KAT2B: variants seen among roughly 807,000 people sequenced by gnomAD.
The protein encoded by KAT2B is lysine acetyltransferase 2B.
A neutral mutation model predicts 105.9 loss-of-function variants in KAT2B; 36 were observed. The observed-to-expected ratio is 0.34, with a 90% CI of 0.26 to 0.45. The LOEUF (loss-of-function observed/expected upper bound fraction) is 0.45, where lower values mean the gene tolerates loss of function less well. KAT2B is among the 20% of genes least tolerant of loss of function. The probability of loss-of-function intolerance (pLI) is 1.00; values close to 1 mark genes in which losing one functional copy is unlikely to be tolerated. For synonymous variants in KAT2B, 397 were observed against 377.9 expected, an observed-to-expected ratio of 1.05 and a Z score of -0.59; for missense variants, 820 against 1,021.6, an observed-to-expected ratio of 0.80 and a Z score of 2.69.
intron 1 of KAT2B, among the ~76,000 whole-genome samples, chr3:20,062,311 ATATATAAAATATT>A: frequency 3.7e-5 from 3 of 81,146 alleles, no homozygotes; most frequent in East Asian, 2.8e-4. Context: ...AAAATATAAT[ATATATAAAATATT>A]TATTATGTAT....
At chr3:20,107,002 TATATATATATATA>T (rs1387169268) in intron 5 of KAT2B, among the ~76,000 whole-genome samples, 6 of 43,350 alleles carry the variant, frequency 1.4e-4, no homozygotes, top group African/African-American at 5.6e-4. Flanking sequence ...TATATATATA[TATATATATATATA>T]TTTTTTTTTT....
chr3:20,073,202 T>G (rs1047753839), intron 2 of KAT2B, among the ~76,000 whole-genome samples: 5 of 152,214 alleles, frequency 3.3e-5, no homozygotes, highest in African/African-American at 1.2e-4. Context: ...CCACGAAGAA[T>G]CTTAGACTAT....
chr3:20,112,065 T>C (rs1699131499), intron 6 of KAT2B, among the ~76,000 whole-genome samples: 1 of 152,168 alleles, frequency 6.6e-6, no homozygotes, highest in South Asian at 2.1e-4. Flanking sequence ...GGCAGTGCTT[T>C]CTTTTGTATA....
intron 2 of KAT2B, among the ~76,000 whole-genome samples, chr3:20,094,797 T>C (rs1266611958): frequency 1.3e-5 from 2 of 152,150 alleles, no homozygotes; most frequent in Non-Finnish European, 1.5e-5. Context: ...CTTTGGTGAA[T>C]GAGCTCTCCA....
intron 10 of KAT2B, among the ~76,000 whole-genome samples, chr3:20,126,529 A>AG (rs888530963): frequency 6.6e-6 from 1 of 151,664 alleles, no homozygotes; most frequent in African/African-American, 2.4e-5. Flanking sequence ...AAAAAAAAAA[A>AG]ACAAAAAACT....
At chr3:20,081,892 T>C (rs768055355) in intron 2 of KAT2B, among the ~76,000 whole-genome samples, 166 of 146,510 alleles carry the variant, frequency 1.1e-3, no homozygotes, top group Middle Eastern at 3.5e-3. Context: ...TATATATATG[T>C]ATAAATGTAT....
intron 5 of KAT2B, among the ~76,000 whole-genome samples, chr3:20,104,282 G>A (rs1363624834): frequency 6.6e-6 from 1 of 152,086 alleles, no homozygotes; most frequent in East Asian, 1.9e-4. Flanking sequence ...GTTCTGAAAC[G>A]TGCTGATTTC....
intron 2 of KAT2B, among the ~76,000 whole-genome samples, chr3:20,079,028 C>T (rs1017235549): frequency 5.3e-5 from 8 of 150,790 alleles, no homozygotes; most frequent in African/African-American, 1.5e-4. Flanking sequence ...GGATTACAGG[C>T]TTATACCACC....
chr3:20,099,817 C>A (rs1215741142), intron 3 of KAT2B, 45 bp from the exon 4 acceptor site: 3 of 982,154 alleles, frequency 3.1e-6, no homozygotes, highest in Middle Eastern at 2.6e-4. Flanking sequence ...GATAGACATA[C>A]CAATTAAGTT....
chr3:20,071,453 TGGCTGA>T (rs1698320748), intron 1 of KAT2B, among the ~76,000 whole-genome samples: 1 of 152,238 alleles, frequency 6.6e-6, no homozygotes, highest in South Asian at 2.1e-4. Context: ...TTTTTATAAG[TGGCTGA>T]GGTCATTCAT....
intron 1 of KAT2B, among the ~76,000 whole-genome samples, chr3:20,054,549 G>T (rs994389328): frequency 3.9e-5 from 6 of 152,216 alleles, no homozygotes; most frequent in Non-Finnish European, 5.9e-5. Context: ...GTTGTATGGG[G>T]TTGCTTCCAT....
intron 2 of KAT2B, among the ~76,000 whole-genome samples, chr3:20,078,128 G>A (rs1211543856): frequency 1.3e-5 from 2 of 152,124 alleles, no homozygotes; most frequent in Non-Finnish European, 2.9e-5. Context: ...TCAGTGGGCC[G>A]AGATCGCACC....
chr3:20,121,465 A>T (rs1699306204), intron 8 of KAT2B, among the ~76,000 whole-genome samples: 1 of 152,224 alleles, frequency 6.6e-6, no homozygotes, highest in Admixed American at 6.5e-5. Flanking sequence ...ATGCAATCTC[A>T]TGAGGAAAGC....
chr3:20,080,240 A>G (rs1313589339), intron 2 of KAT2B, among the ~76,000 whole-genome samples: 1 of 152,044 alleles, frequency 6.6e-6, no homozygotes, highest in East Asian at 1.9e-4. Flanking sequence ...TTTATTTTCA[A>G]AGCTTTTCTC....
At chr3:20,148,129 A>G in intron 15 of KAT2B, 114 bp from the exon 16 acceptor site, 1 of 1,361,658 alleles carries the variant, frequency 7.3e-7, no homozygotes, top group Admixed American at 1.9e-5. Context: ...GTTTCCTAAA[A>G]CATTCTGGAA....
intron 13 of KAT2B, among the ~76,000 whole-genome samples, chr3:20,143,921 C>T (rs1264889277): frequency 6.6e-6 from 1 of 152,138 alleles, no homozygotes; most frequent in Non-Finnish European, 1.5e-5. Context: ...TGAAAAACTA[C>T]CTGTCAGGTA....
At chr3:20,117,271 C>G (rs1466812637) in intron 7 of KAT2B, among the ~76,000 whole-genome samples, 1 of 152,206 alleles carries the variant, frequency 6.6e-6, no homozygotes, top group African/African-American at 2.4e-5. Context: ...GGCGTGTACA[C>G]TTTAGTATTA....
intron 11 of KAT2B, among the ~76,000 whole-genome samples, chr3:20,132,479 A>G (rs1024157207): frequency 2.0e-5 from 3 of 152,372 alleles, no homozygotes; most frequent in Middle Eastern, 3.4e-3. Flanking sequence ...GTTACCAGAT[A>G]GTTAGAAAAT....
intron 2 of KAT2B, among the ~76,000 whole-genome samples, chr3:20,079,800 C>G (rs973929795): frequency 6.6e-6 from 1 of 152,162 alleles, no homozygotes; most frequent in African/African-American, 2.4e-5. Flanking sequence ...CTGAATTGAG[C>G]CAGCATATTC....
Sources: allele counts gnomAD v4.1 joint callset (sites outside exome capture counted in the v4.1 genomes callset), GRCh38; gene constraint gnomAD v4.1.1; transcripts MANE v1.5; gene names NCBI Gene and HGNC (gene_info 2026-07-23, HGNC 2026-07-21).